The following EXOC4 variants were observed in gnomAD, a reference collection of about 807,000 sequenced individuals.
EXOC4 encodes the protein exocyst complex component 4.
Under a neutral mutation model 107.2 loss-of-function variants are expected in EXOC4, and 71 were observed. The observed-to-expected ratio is 0.66, with a 90% CI of 0.55 to 0.81. EXOC4 has a LOEUF of 0.81. Among genes scored for constraint, EXOC4 ranks in the 30% least tolerant of loss-of-function variants. The pLI, the probability that EXOC4 is intolerant of heterozygous loss-of-function variation, is 0.00. For synonymous variants in EXOC4, 456 were observed against 441.2 expected (o/e 1.03, Z -0.42); for missense variants, 1,108 against 1,189.6 (o/e 0.93, Z 1.01).
chr7:134,030,762 A>C (rs1312415164), intron 17 of EXOC4, among the ~76,000 whole-genome samples: 1 of 145,978 alleles, frequency 6.9e-6, no homozygotes, highest in Non-Finnish European at 1.5e-5. Flanking sequence ...GAGAGTAAAC[A>C]AATTTATCTA....
intron 17 of EXOC4, among the ~76,000 whole-genome samples, chr7:134,020,996 A>AAAAT (rs1554436272): frequency 6.6e-6 from 1 of 151,916 alleles, no homozygotes; most frequent in African/African-American, 2.4e-5. Context: ...AAAAAAAAAA[A>AAAAT]ATATGAAGGG....
intron 5 of EXOC4, among the ~76,000 whole-genome samples, chr7:133,331,085 G>C (rs1433128907): frequency 6.6e-6 from 1 of 152,014 alleles, no homozygotes; most frequent in Non-Finnish European, 1.5e-5. Context: ...ATTTAAGTGC[G>C]ATCAGATATA....
intron 13 of EXOC4, chr7:133,930,804 C>G (rs532962014): frequency 6.6e-6 from 1 of 152,030 alleles, no homozygotes; most frequent in African/African-American, 2.4e-5. Flanking sequence ...TTTAACTAGC[C>G]TGTTAGGTCT....
intron 5 of EXOC4, among the ~76,000 whole-genome samples, chr7:133,348,549 G>A (rs1027064837): frequency 6.6e-6 from 1 of 152,148 alleles, no homozygotes; most frequent in Non-Finnish European, 1.5e-5. Context: ...TGACTCATAC[G>A]TGCTTTTTTG....
At chr7:133,805,602 G>A (rs189242021) in intron 10 of EXOC4, among the ~76,000 whole-genome samples, 101 of 152,278 alleles carry the variant, frequency 6.6e-4, no homozygotes, top group Admixed American at 1.9e-3. Flanking sequence ...CACCATACAC[G>A]TAAGGGAGAA....
intron 7 of EXOC4, among the ~76,000 whole-genome samples, chr7:133,427,294 C>T (rs1460864055): frequency 1.3e-5 from 2 of 152,136 alleles, no homozygotes; most frequent in East Asian, 3.9e-4. Context: ...TGATCCACAG[C>T]TCTACTAGGT....
At chr7:133,921,147 G>A (rs1426985607) in intron 13 of EXOC4, among the ~76,000 whole-genome samples, 1 of 152,198 alleles carries the variant, frequency 6.6e-6, no homozygotes, top group African/African-American at 2.4e-5. Flanking sequence ...GGGTTAGAGG[G>A]TGGGGCTAGT....
intron 10 of EXOC4, among the ~76,000 whole-genome samples, chr7:133,693,720 G>T (rs1274696674): frequency 6.6e-6 from 1 of 152,172 alleles, no homozygotes; most frequent in African/African-American, 2.4e-5. Flanking sequence ...AAAAATAGCC[G>T]TGTAGATAAA....
chr7:133,579,809 C>A (rs1403223337), intron 9 of EXOC4, among the ~76,000 whole-genome samples: 1 of 152,042 alleles, frequency 6.6e-6, no homozygotes, highest in Non-Finnish European at 1.5e-5. Flanking sequence ...GCTTCAGCCT[C>A]CTGAGTAGCT....
At chr7:133,545,092 A>T (rs900182400) in intron 9 of EXOC4, among the ~76,000 whole-genome samples, 5 of 151,814 alleles carry the variant, frequency 3.3e-5, no homozygotes, top group African/African-American at 4.8e-5. Context: ...TCCCTTGTCT[A>T]TGTGGTCGCT....
chr7:133,491,999 A>T (rs1799380831), intron 9 of EXOC4, among the ~76,000 whole-genome samples: 1 of 152,210 alleles, frequency 6.6e-6, no homozygotes, highest in Admixed American at 6.5e-5. Flanking sequence ...TGGTAGGCAG[A>T]TCTCAAAAGA....
chr7:133,672,116 G>C (rs1216116146), intron 10 of EXOC4, among the ~76,000 whole-genome samples: 1 of 152,144 alleles, frequency 6.6e-6, no homozygotes, highest in African/African-American at 2.4e-5. Context: ...TACAGGCCAG[G>C]CGTGGTGGCT....
chr7:134,071,556 A>G (rs1796272559), downstream of EXOC4, among the ~76,000 whole-genome samples: 2 of 152,198 alleles, frequency 1.3e-5, no homozygotes. Flanking sequence ...AGGGAGTTTC[A>G]TAACTTCTTT....
At chr7:133,321,285 A>T (rs1257849228) in intron 5 of EXOC4, among the ~76,000 whole-genome samples, 11 of 150,590 alleles carry the variant, frequency 7.3e-5, no homozygotes, top group African/African-American at 1.5e-4. Context: ...TTTTTTTTTT[A>T]AATTATACTT....
intron 9 of EXOC4, among the ~76,000 whole-genome samples, chr7:133,535,773 C>T (rs1470000402): frequency 6.6e-6 from 1 of 152,192 alleles, no homozygotes; most frequent in Non-Finnish European, 1.5e-5. Context: ...CATTTTCTTC[C>T]TCTCAAGGCT....
chr7:133,668,090 C>T (rs569662859), intron 10 of EXOC4, among the ~76,000 whole-genome samples: 3 of 152,256 alleles, frequency 2.0e-5, no homozygotes, highest in African/African-American at 7.2e-5. Context: ...TATAAAGTGA[C>T]TCAGTGTTAA....
intron 12 of EXOC4, among the ~76,000 whole-genome samples, chr7:133,901,292 A>G (rs1314659130): frequency 6.6e-6 from 1 of 152,078 alleles, no homozygotes; most frequent in Non-Finnish European, 1.5e-5. Context: ...TACATAAGCA[A>G]TCTTTTTTTT....
At chr7:133,809,832 T>A (rs575482598) in intron 10 of EXOC4, among the ~76,000 whole-genome samples, 1 of 152,330 alleles carries the variant, frequency 6.6e-6, no homozygotes, top group Non-Finnish European at 1.5e-5. Flanking sequence ...AAACAGTGAT[T>A]CACTGTTTGT....
At chr7:133,797,666 T>C (rs1796845564) in intron 10 of EXOC4, among the ~76,000 whole-genome samples, 1 of 152,170 alleles carries the variant, frequency 6.6e-6, no homozygotes, top group Non-Finnish European at 1.5e-5. Context: ...AAAGACATCA[T>C]CTCTATTCAT....
Sources: allele counts gnomAD v4.1 joint callset (sites outside exome capture counted in the v4.1 genomes callset), GRCh38; gene constraint gnomAD v4.1.1; transcripts MANE v1.5; gene names NCBI Gene and HGNC (gene_info 2026-07-23, HGNC 2026-07-21).